MRTFA: variants seen among roughly 807,000 people sequenced by gnomAD.
The protein encoded by MRTFA is myocardin-related transcription factor A.
MRTFA carries 20 observed loss-of-function variants against 83.5 expected under a neutral mutation model. The observed-to-expected ratio is 0.24, with a 90% CI of 0.17 to 0.35. The LOEUF is 0.35. MRTFA is among the 10% of genes least tolerant of loss of function. The pLI is 1.00. For missense variants in MRTFA, 1,200 were observed against 1,224.7 expected, an observed-to-expected ratio of 0.98 and a Z score of 0.30; for synonymous variants, 659 against 541.2, an observed-to-expected ratio of 1.22 and a Z score of -3.02.
At chr22:40,483,629 G>T (rs1447887524) in intron 3 of MRTFA, among the ~76,000 whole-genome samples, 1 of 151,610 alleles carries the variant, frequency 6.6e-6, no homozygotes, top group South Asian at 2.1e-4. Flanking sequence ...AGCTGGCAGT[G>T]AGCCGAGATA....
At position 40,549,279 on chromosome 22, in the gene MRTFA, G is replaced by C. The variant is rs143819416; in HGVS notation, c.241+2827C>G. Among the ~76,000 whole-genome samples the C allele has an allele frequency of 1.4e-3, 207 of 152,092 alleles. 3 individuals carry two copies. In the East Asian group the frequency reaches 0.027, roughly 20 times the overall value. On this transcript the variant is annotated intron_variant, in intron 3 of 14. Transcript: ENST00000355630. ...CGAGTATACCAAAAGACACATACAA[G>C]AATTCCATAGCAGCATAATTCATAA... is the stretch of plus-strand genomic sequence containing the variant.
chr22:40,415,303 C>T (rs1005760750), intron 14 of MRTFA: 9 of 152,490 alleles, frequency 5.9e-5, no homozygotes, highest in Admixed American at 5.9e-4. Flanking sequence ...CCTGCCGCCT[C>T]AGTGCCACCT....
intron 4 of MRTFA, among the ~76,000 whole-genome samples, chr22:40,436,532 C>A (rs1214149677): frequency 6.6e-6 from 1 of 152,206 alleles, no homozygotes; most frequent in Non-Finnish European, 1.5e-5. Flanking sequence ...GGATACCACA[C>A]AAAGACCACA....
intron 4 of MRTFA, among the ~76,000 whole-genome samples, chr22:40,436,730 A>G (rs1008595160): frequency 6.6e-6 from 1 of 152,232 alleles, no homozygotes; most frequent in African/African-American, 2.4e-5. Flanking sequence ...AACAGAGGCA[A>G]TAAGAGAGAA....
intron 4 of MRTFA, among the ~76,000 whole-genome samples, chr22:40,447,057 CTGATAAGGTG>C (rs1373491597): frequency 1.3e-5 from 2 of 151,944 alleles, no homozygotes; most frequent in Non-Finnish European, 2.9e-5. Context: ...GAAAGACTTT[CTGATAAGGTG>C]ACATTTGGCT....
At chr22:40,421,970 T>A (rs1244723570) in intron 9 of MRTFA, among the ~76,000 whole-genome samples, 1 of 151,670 alleles carries the variant, frequency 6.6e-6, no homozygotes, top group African/African-American at 2.4e-5. Context: ...ATGTGGCAGG[T>A]GAGAAGTGAT....
chr22:40,540,578 G>A (rs2055271964), intron 3 of MRTFA, among the ~76,000 whole-genome samples: 1 of 151,824 alleles, frequency 6.6e-6, no homozygotes, highest in African/African-American at 2.4e-5. Context: ...TCAGGGGTTC[G>A]AGACCAACCT....
chr22:40,489,143 G>C (rs1294062060), intron 3 of MRTFA, among the ~76,000 whole-genome samples: 2 of 151,964 alleles, frequency 1.3e-5, no homozygotes, highest in African/African-American at 4.8e-5. Flanking sequence ...TAAAACACAA[G>C]ACACAATCAT....
At chr22:40,417,692 G>C in intron 12 of MRTFA, 199 bp from the exon 13 acceptor site, 1 of 572,248 alleles carries the variant, frequency 1.7e-6, no homozygotes, top group Middle Eastern at 4.7e-4. Flanking sequence ...CAACCCTGCA[G>C]GGGGTGCCTG....
At chr22:40,420,364 G>A in intron 11 of MRTFA, 41 bp downstream of exon 11, 1 of 1,595,214 alleles carries the variant, frequency 6.3e-7, no homozygotes. Flanking sequence ...TGTGGGAAGG[G>A]CCAGGCTGGC....
chr22:40,499,279 GC>G (rs1464140625), intron 3 of MRTFA, among the ~76,000 whole-genome samples: 3 of 152,116 alleles, frequency 2.0e-5, no homozygotes, highest in Non-Finnish European at 2.9e-5. Flanking sequence ...TAGGGAACCA[GC>G]CACAATCTCT....
intron 3 of MRTFA, among the ~76,000 whole-genome samples, chr22:40,464,771 G>C (rs1367828054): frequency 1.3e-5 from 2 of 152,078 alleles, no homozygotes; most frequent in African/African-American, 4.8e-5. Flanking sequence ...TAGATCCAAA[G>C]CCAAACTTGT....
intron 1 of MRTFA, among the ~76,000 whole-genome samples, chr22:40,625,993 C>CA (rs2056577635): frequency 6.7e-6 from 1 of 149,276 alleles, no homozygotes; most frequent in Non-Finnish European, 1.5e-5. Flanking sequence ...ATAACCCTTA[C>CA]TTTTTTTTTT....
rs551697171 is a variant in MRTFA at position 40,466,991 on chromosome 22, A to G, written c.242-3705T>C. 1.5e-4 allele frequency among the ~76,000 whole-genome samples: 23 copies of G among 152,154 alleles called. No individual in the cohort carries two copies. In the South Asian group the frequency reaches 3.9e-3, roughly 26 times the overall value. On this transcript the variant is annotated intron_variant, in intron 3 of 14. Transcript: ENST00000355630. Reference sequence around the variant, plus strand: ...CATGTATATATATATATATATTTATACACACACATATACAGCTCCAGTACA... The same window carrying G: ...CATGTATATATATATATATATTTATGCACACACATATACAGCTCCAGTACA...
intron 4 of MRTFA, among the ~76,000 whole-genome samples, chr22:40,448,942 T>C (rs899029603): frequency 6.6e-6 from 1 of 152,182 alleles, no homozygotes; most frequent in South Asian, 2.1e-4. Flanking sequence ...TCATCTTATA[T>C]GCAAAAGCGT....
At chr22:40,460,278 T>C (rs1480929793) in intron 4 of MRTFA, among the ~76,000 whole-genome samples, 1 of 152,148 alleles carries the variant, frequency 6.6e-6, no homozygotes, top group Non-Finnish European at 1.5e-5. Flanking sequence ...AGGAGACTAA[T>C]AGATAAATCC....
intron 6 of MRTFA, among the ~76,000 whole-genome samples, chr22:40,430,226 G>A (rs961587865): frequency 2.6e-5 from 4 of 152,144 alleles, no homozygotes; most frequent in Non-Finnish European, 4.4e-5. Context: ...GGTGGCTCAC[G>A]CTTGTAATCC....
intron 1 of MRTFA, among the ~76,000 whole-genome samples, chr22:40,617,962 T>C (rs1250605706): frequency 6.6e-6 from 1 of 152,060 alleles, no homozygotes; most frequent in Non-Finnish European, 1.5e-5. Flanking sequence ...GATCATCTAG[T>C]GGGAAGAGAC....
intron 3 of MRTFA, among the ~76,000 whole-genome samples, chr22:40,502,588 G>A (rs1203110673): frequency 1.4e-5 from 2 of 144,414 alleles, no homozygotes; most frequent in East Asian, 4.4e-4. Context: ...CAGGCAGAGG[G>A]GCTCCTCACA....
Sources: gnomAD v4.1 joint callset for allele counts (sites outside exome capture counted in the v4.1 genomes callset) on GRCh38, gnomAD v4.1.1 for gene constraint, MANE v1.5 for transcripts, NCBI Gene and HGNC (gene_info 2026-07-23, HGNC 2026-07-21) for gene names.